The following RAB40B variants were observed in gnomAD, a reference collection of about 807,000 sequenced individuals.
RAB40B encodes ras-related protein Rab-40B.
RAB40B carries 21 observed loss-of-function variants against 24.0 expected under a neutral mutation model. That is an observed-to-expected ratio of 0.88 (90% CI 0.62 to 1.26). The LOEUF (loss-of-function observed/expected upper bound fraction) is 1.26. Ranked by LOEUF, RAB40B falls within the 50% of genes most tolerant of loss-of-function variation. RAB40B has a pLI of 0.00. For synonymous variants in RAB40B, 167 were observed against 169.8 expected, an observed-to-expected ratio of 0.98 and a Z score of 0.13; for missense variants, 348 against 390.5, an observed-to-expected ratio of 0.89 and a Z score of 0.92.
chr17:82,687,430 A>G (rs1271827124), intron 1 of RAB40B, among the ~76,000 whole-genome samples: 4 of 152,196 alleles, frequency 2.6e-5, no homozygotes, highest in African/African-American at 9.7e-5. Flanking sequence ...ACGAGTCACA[A>G]ATATAAATAA....
chr17:82,674,501 T>C (rs1254705384), intron 1 of RAB40B, among the ~76,000 whole-genome samples: 7 of 145,754 alleles, frequency 4.8e-5, no homozygotes, highest in South Asian at 2.2e-4. Context: ...TAGCCGGGTG[T>C]GGTGGCGGGC....
intron 2 of RAB40B, chr17:82,662,543 G>C (rs1307609717): frequency 4.1e-6 from 4 of 985,184 alleles, no homozygotes; most frequent in Non-Finnish European, 4.8e-6. Flanking sequence ...GGCAGGTGGG[G>C]GCAGGCAGAA....
intron 1 of RAB40B, among the ~76,000 whole-genome samples, chr17:82,673,175 G>C (rs1375145673): frequency 6.6e-6 from 1 of 152,070 alleles, no homozygotes; most frequent in Non-Finnish European, 1.5e-5. Flanking sequence ...CTGCACTCCA[G>C]CCTGGGTGAT....
At chr17:82,698,430 C>T (rs2046635652) in intron 1 of RAB40B, 25 bp downstream of exon 1, 2 of 1,344,014 alleles carry the variant, frequency 1.5e-6, no homozygotes, top group Middle Eastern at 2.8e-4. Flanking sequence ...GCCCGCACCC[C>T]GGCACGCCCT....
chr17:82,660,610 C>T (rs1417637670), intron 3 of RAB40B, among the ~76,000 whole-genome samples: 1 of 150,174 alleles, frequency 6.7e-6, no homozygotes, highest in Non-Finnish European at 1.5e-5. Flanking sequence ...ACTGCACATA[C>T]CTGCACACAC....
chr17:82,691,139 T>C (rs1206196918), intron 1 of RAB40B, among the ~76,000 whole-genome samples: 1 of 152,166 alleles, frequency 6.6e-6, no homozygotes, highest in East Asian at 1.9e-4. Context: ...TCAGCCTCTC[T>C]GGGCCTCACA....
intron 5 of RAB40B, 156 bp from the exon 6 acceptor site, chr17:82,658,290 GC>G: frequency 8.8e-7 from 1 of 1,134,100 alleles, no homozygotes; most frequent in African/African-American, 1.6e-5. Context: ...CGTCCCCTCT[GC>G]CCACGTACAG....
chr17:82,657,760 A>G lies in RAB40B; in HGVS notation c.*103T>C. The stretch of plus-strand genomic sequence containing the variant: ...GGCGTCGCACACATTCGCAAGCAGC[A>G]TTCGCCGAGAGGAACCGGGATCTGA... On this transcript the variant is annotated 3_prime_UTR_variant, in exon 6 of 6. Transcript: ENST00000571995. 1.5e-6 allele frequency: 2 copies of G among 1,377,078 alleles called. No individual in the cohort carries two copies. The highest frequency in any genetic ancestry group is 2.1e-6 in the Non-Finnish European group (2 of 965,252). The allele number at this position is 1,377,078 out of a possible 1,614,324, so 85.3% of individuals were successfully genotyped here. A position where few individuals can be genotyped will look rare whatever the true frequency, so the allele number is the denominator to read the frequency against.
chr17:82,664,510 C>T lies in RAB40B; in HGVS notation c.189G>A (p.Val63=). Reference sequence around the variant, plus strand: ...TCCAGACTCACCAGAGCTGCAGCTTCACCCGCCGCCCGTCCAGCAGGATGG... The same window carrying T: ...TCCAGACTCACCAGAGCTGCAGCTTTACCCGCCGCCCGTCCAGCAGGATGG... ...TTTILLDGRR[V]KLQLWDTSGQ... is the part of the protein sequence containing the mutation. Residue 63 remains valine (V), a synonymous_variant, in exon 2 of 6, where the codon GTG becomes GTA. Coordinates refer to ENST00000571995, the MANE Select transcript of RAB40B (RefSeq NM_006822.3). The T allele has an allele frequency of 6.2e-7, 1 of 1,613,440 alleles. No individual in the cohort carries two copies. The highest frequency in any genetic ancestry group is 8.5e-7 in the Non-Finnish European group (1 of 1,179,634).
intron 4 of RAB40B, 197 bp from the exon 5 acceptor site, chr17:82,658,910 A>G (rs1568028284): frequency 7.0e-6 from 4 of 571,210 alleles, no homozygotes; most frequent in East Asian, 5.7e-5. Context: ...TAGGGCCCTC[A>G]TCTAATGACT....
chr17:82,659,424 G>T, intron 4 of RAB40B, 156 bp downstream of exon 4: 1 of 655,510 alleles, frequency 1.5e-6, no homozygotes, highest in Non-Finnish European at 2.7e-6. Context: ...GTGTTGTGCC[G>T]AGGTGAGGCA....
At position 82,670,779 on chromosome 17, in the gene RAB40B, C is replaced by T. The variant is rs1051444637; in HGVS notation, c.143-6223G>A. Among the ~76,000 whole-genome samples, 12 of 151,492 alleles carry T rather than the reference C, an allele frequency of 7.9e-5. 2 individuals carry two copies. The South Asian group carries it at 1.3e-3, about 16-fold the overall frequency. ...CCAACTCCTGACCTTGTAATCTGCA[C>T]GCCTTGGCCTCCCAAAATGCTGGGA... On this transcript the variant is annotated intron_variant, in intron 1 of 5. Transcript: ENST00000571995.
chr17:82,664,086 CGGGGTGCTGTGCCG>C (rs2046215375), intron 2 of RAB40B, among the ~76,000 whole-genome samples: 1 of 73,488 alleles, frequency 1.4e-5, no homozygotes, highest in Non-Finnish European at 2.7e-5. Flanking sequence ...GGGTGCTCCC[CGGGGTGCTGTGCCG>C]ATGTTGGTGG....
chr17:82,676,072 ATC>A (rs2046390761), intron 1 of RAB40B, among the ~76,000 whole-genome samples: 3 of 151,992 alleles, frequency 2.0e-5, no homozygotes. Context: ...GTCTTCGTCC[ATC>A]TCCCCCGGGT....
At position 82,661,235 on chromosome 17, in the gene RAB40B, A is replaced by T. The variant is rs1483979338; in HGVS notation, c.204-188T>A. The T allele has an allele frequency of 3.6e-6, 5 of 1,371,558 alleles. No homozygotes were observed. In the East Asian group the frequency reaches 1.3e-4, roughly 37 times the overall value. The allele number at this position is 1,371,558 out of a possible 1,614,324, so 85.0% of individuals were successfully genotyped here. ...GATCCGGGTGTTGGGATGTCCTCCC[A>T]GGCTCATGCTCTTCTCTGTCATTTA... On this transcript the variant is annotated intron_variant, in intron 2 of 5. Transcript: ENST00000571995.
At chr17:82,685,260 T>A (rs1284041554) in intron 1 of RAB40B, among the ~76,000 whole-genome samples, 1 of 34,786 alleles carries the variant, frequency 2.9e-5, no homozygotes, top group African/African-American at 1.2e-4. Context: ...GAGGGGGAAG[T>A]GGGCCAGAAG....
rs115564695 is a variant in RAB40B, at chr17:82,658,912, C to T, written c.343-199G>A. Reference sequence around the variant, plus strand: ...GGCCGCACTGAATTAGGGCCCTCATCTAATGACTGGTGTCCTTGGGAGAAG... The same window carrying T: ...GGCCGCACTGAATTAGGGCCCTCATTTAATGACTGGTGTCCTTGGGAGAAG... On this transcript the variant is annotated intron_variant, in intron 4 of 5. Transcript: ENST00000571995. 4.4e-4 allele frequency: 252 copies of T among 575,114 alleles called. No homozygotes were observed. The African/African-American group carries it at 4.4e-3, about 10-fold the overall frequency. 35.6% of individuals were successfully genotyped at this position (575,114 alleles called of 1,614,324 possible).
chr17:82,657,985 C>T lies in RAB40B; in HGVS notation c.715G>A (p.Gly239Ser), dbSNP rs767016544. The T allele has an allele frequency of 1.1e-5, 18 of 1,614,018 alleles. No individual in the cohort carries two copies. The highest frequency in any genetic ancestry group is 5.5e-5 in the South Asian group (5 of 91,084). ...GAGCTGGTGGTGAGGGAGTAGGAAC[C>T]GCCGTGCATCATCCTGGCATTCAGG... is the stretch of plus-strand genomic sequence containing the variant. The part of the protein sequence containing the change: ...NGLNARMMHG[G>S]SYSLTTSSTH... Residue 239 changes from glycine to serine, a missense_variant, in exon 6 of 6, where the codon GGT becomes AGT. Transcript: ENST00000571995.
intron 1 of RAB40B, among the ~76,000 whole-genome samples, chr17:82,683,766 C>T (rs1400690617): frequency 7.1e-6 from 1 of 140,122 alleles, no homozygotes; most frequent in East Asian, 2.1e-4. Flanking sequence ...ACTTGCACCA[C>T]TGCACTCCAG....
Sources: allele counts gnomAD v4.1 joint callset (sites outside exome capture counted in the v4.1 genomes callset), GRCh38; gene constraint gnomAD v4.1.1; transcripts MANE v1.5; gene names NCBI Gene and HGNC (gene_info 2026-07-23, HGNC 2026-07-21).